Variants in STXBP5L observed in about 807,000 individuals in gnomAD.
The protein encoded by STXBP5L is syntaxin binding protein 5L.
A neutral mutation model predicts 144.5 loss-of-function variants in STXBP5L; 65 were observed. The observed-to-expected ratio is 0.45, with a 90% CI of 0.37 to 0.55. The LOEUF (loss-of-function observed/expected upper bound fraction) is 0.55. Among genes scored for constraint, STXBP5L ranks in the 20% least tolerant of loss-of-function variants. The pLI is 0.00. For missense variants in STXBP5L, 1,298 were observed against 1,405.5 expected (o/e 0.92, Z 1.22); for synonymous variants, 505 against 469.6 (o/e 1.08, Z -0.97).
rs1344869380 is a variant in STXBP5L, at chr3:121,415,859, C to T, written c.3117C>T (p.Asp1039=). 1 of 1,596,444 alleles carries T rather than the reference C, an allele frequency of 6.3e-7. No individual in the cohort carries two copies. Among genetic ancestry groups the T allele is most frequent in the Non-Finnish European group, 8.5e-7 (1 of 1,170,296 alleles). Residue 1039 remains aspartate, a splice_region_variant and synonymous_variant, in exon 25 of 27, where the codon GAC becomes GAT. Coordinates refer to ENST00000471454, the MANE Select transcript of STXBP5L (RefSeq NM_001308330.2). Reference sequence around the variant, plus strand: ...TTTTTTCTGTGAATTTGATGCAGGACATGCTAGGAGATTTGTTTACTCCCA... The same window carrying T: ...TTTTTTCTGTGAATTTGATGCAGGATATGCTAGGAGATTTGTTTACTCCCA... The part of the protein sequence containing the change: ...YSQEMCDNLQ[D]MLGDLFTPIE...
chr3:121,267,407 A>G (rs1447173161), intron 18 of STXBP5L, among the ~76,000 whole-genome samples: 2 of 152,340 alleles, frequency 1.3e-5, no homozygotes, highest in South Asian at 4.1e-4. Context: ...TACAAAAATT[A>G]GCACAAGATG....
intron 3 of STXBP5L, among the ~76,000 whole-genome samples, chr3:120,991,892 C>G (rs1245465235): frequency 6.6e-6 from 1 of 152,108 alleles, no homozygotes; most frequent in Non-Finnish European, 1.5e-5. Flanking sequence ...AGCATACCAA[C>G]ATGGCACATG....
At chr3:121,330,800 A>G (rs1248403926) in intron 20 of STXBP5L, among the ~76,000 whole-genome samples, 1 of 152,202 alleles carries the variant, frequency 6.6e-6, no homozygotes, top group Non-Finnish European at 1.5e-5. Flanking sequence ...GCCAACGGAG[A>G]GATCCTGAGT....
At chr3:121,389,371 T>A (rs2046516439) in intron 22 of STXBP5L, among the ~76,000 whole-genome samples, 1 of 152,226 alleles carries the variant, frequency 6.6e-6, no homozygotes, top group East Asian at 1.9e-4. Flanking sequence ...AGGTTTTTTG[T>A]GTCTCTGTCT....
intron 5 of STXBP5L, among the ~76,000 whole-genome samples, chr3:121,072,953 C>G (rs1401830831): frequency 6.6e-6 from 1 of 152,198 alleles, no homozygotes; most frequent in Non-Finnish European, 1.5e-5. Context: ...TTTCCTTTGG[C>G]TAAGAGCAAT....
chr3:121,068,952 A>C (rs996163072), intron 5 of STXBP5L, among the ~76,000 whole-genome samples: 2 of 152,192 alleles, frequency 1.3e-5, no homozygotes, highest in African/African-American at 4.8e-5. Flanking sequence ...AAACTAGTAC[A>C]GAGGTTTTAT....
chr3:121,109,663 C>T (rs1182514437), intron 5 of STXBP5L, among the ~76,000 whole-genome samples: 2 of 152,046 alleles, frequency 1.3e-5, no homozygotes, highest in Non-Finnish European at 2.9e-5. Flanking sequence ...TAGAGTAAGT[C>T]CCATGTGGTG....
chr3:121,266,838 C>G (rs887690533), intron 18 of STXBP5L, among the ~76,000 whole-genome samples: 1 of 151,696 alleles, frequency 6.6e-6, no homozygotes, highest in East Asian at 1.9e-4. Context: ...CAACAACAGA[C>G]AAAGAGAGTG....
chr3:121,366,530 G>A (rs1000208227), intron 20 of STXBP5L, among the ~76,000 whole-genome samples: 1 of 151,814 alleles, frequency 6.6e-6, no homozygotes, highest in Admixed American at 6.6e-5. Flanking sequence ...TAAATTTAAA[G>A]ACCATTTTGT....
chr3:121,110,590 A>G (rs1376521819), intron 5 of STXBP5L, among the ~76,000 whole-genome samples: 1 of 152,098 alleles, frequency 6.6e-6, no homozygotes, highest in Non-Finnish European at 1.5e-5. Flanking sequence ...TTCTGCTGAG[A>G]GGTCTGCTGT....
At chr3:121,327,531 A>T (rs1157907910) in intron 20 of STXBP5L, among the ~76,000 whole-genome samples, 1 of 152,180 alleles carries the variant, frequency 6.6e-6, no homozygotes, top group Non-Finnish European at 1.5e-5. Context: ...CATAATTTTT[A>T]GTCTCTCATG....
chr3:121,377,071 T>A (rs1476215677), intron 20 of STXBP5L, among the ~76,000 whole-genome samples: 3 of 152,214 alleles, frequency 2.0e-5, no homozygotes, highest in Admixed American at 1.3e-4. Flanking sequence ...TTTTTGCACA[T>A]TGATTTTGTA....
chr3:120,979,062 C>G (rs942078243), intron 3 of STXBP5L, among the ~76,000 whole-genome samples: 1 of 152,198 alleles, frequency 6.6e-6, no homozygotes, highest in Admixed American at 6.5e-5. Flanking sequence ...CGGAGAACCA[C>G]TGCTCTCTTC....
chr3:121,331,659 C>G (rs141243855), intron 20 of STXBP5L, among the ~76,000 whole-genome samples: 4 of 152,230 alleles, frequency 2.6e-5, no homozygotes, highest in African/African-American at 9.6e-5. Context: ...AGAATTCTCC[C>G]AGCTACCTTT....
At chr3:121,103,698 T>C (rs1182397208) in intron 5 of STXBP5L, among the ~76,000 whole-genome samples, 1 of 152,098 alleles carries the variant, frequency 6.6e-6, no homozygotes, top group African/African-American at 2.4e-5. Context: ...TATAAAAAGA[T>C]AAGACAGTAT....
chr3:121,193,775 A>T (rs1042021597), intron 9 of STXBP5L, among the ~76,000 whole-genome samples: 1 of 152,266 alleles, frequency 6.6e-6, no homozygotes, highest in Middle Eastern at 3.4e-3. Flanking sequence ...TTGAACAATG[A>T]GAACACTTGG....
intron 3 of STXBP5L, among the ~76,000 whole-genome samples, chr3:121,006,313 T>G (rs1219390215): frequency 9.2e-5 from 14 of 152,164 alleles, no homozygotes; most frequent in Admixed American, 9.2e-4. Context: ...GTAATGGCCT[T>G]CTTTGTCTCT....
chr3:121,098,216 G>C (rs10212452), intron 5 of STXBP5L, among the ~76,000 whole-genome samples: 1 of 151,874 alleles, frequency 6.6e-6, no homozygotes, highest in Non-Finnish European at 1.5e-5. Flanking sequence ...AAGGGGATAT[G>C]TATTTTGGCT....
At chr3:120,970,074 C>A (rs995997682) in intron 3 of STXBP5L, among the ~76,000 whole-genome samples, 1 of 152,018 alleles carries the variant, frequency 6.6e-6, no homozygotes, top group Non-Finnish European at 1.5e-5. Context: ...CCAAACCCTA[C>A]CCTTTAACAC....
Sources: gnomAD v4.1 joint callset for allele counts (sites outside exome capture counted in the v4.1 genomes callset) on GRCh38, gnomAD v4.1.1 for gene constraint, MANE v1.5 for transcripts, NCBI Gene and HGNC (gene_info 2026-07-23, HGNC 2026-07-21) for gene names.